The following EPHA6 variants were observed in gnomAD, a reference collection of about 807,000 sequenced individuals.
EPHA6 encodes ephrin type-A receptor 6.
Under a neutral mutation model 112.0 loss-of-function variants are expected in EPHA6, and 50 were observed. The ratio of observed to expected loss-of-function variants is 0.45; its 90% CI spans 0.36 to 0.56. The LOEUF (loss-of-function observed/expected upper bound fraction) is 0.56, where lower values mean the gene tolerates loss of function less well. Ranked by LOEUF, EPHA6 falls within the 20% of genes least tolerant of loss-of-function variation. The pLI is 0.00. For missense variants in EPHA6, 1,280 were observed against 1,417.4 expected (o/e 0.90, Z 1.56); for synonymous variants, 529 against 490.7 (o/e 1.08, Z -1.03).
chr3:97,142,382 T>TA (rs2075932410), intron 3 of EPHA6, among the ~76,000 whole-genome samples: 1 of 151,892 alleles, frequency 6.6e-6, no homozygotes, highest in African/African-American at 2.4e-5. Flanking sequence ...GTTAATGAAA[T>TA]AAAAGGTTGG....
chr3:97,205,509 T>G (rs1441282446), intron 3 of EPHA6, among the ~76,000 whole-genome samples: 1 of 152,078 alleles, frequency 6.6e-6, no homozygotes, highest in Non-Finnish European at 1.5e-5. Flanking sequence ...GACGTGAATT[T>G]TTTTCAACCA....
At chr3:97,168,838 G>T (rs1000570974) in intron 3 of EPHA6, among the ~76,000 whole-genome samples, 22 of 152,070 alleles carry the variant, frequency 1.4e-4, no homozygotes, top group Admixed American at 1.3e-3. Flanking sequence ...CCAGGAGTGG[G>T]TTATTGCTAT....
chr3:97,292,817 A>C (rs986372355), intron 5 of EPHA6, among the ~76,000 whole-genome samples: 4 of 150,684 alleles, frequency 2.7e-5, no homozygotes, highest in Non-Finnish European at 5.9e-5. Flanking sequence ...CATCCCGGTG[A>C]GCGTCCTGCT....
intron 10 of EPHA6, 104 bp downstream of exon 10, chr3:97,484,163 G>A: frequency 9.5e-7 from 1 of 1,049,246 alleles, no homozygotes; most frequent in Non-Finnish European, 1.3e-6. Context: ...TCATTGAAAA[G>A]TTTTAACAAG....
intron 10 of EPHA6, among the ~76,000 whole-genome samples, chr3:97,506,710 G>A (rs541112027): frequency 3.0e-4 from 45 of 152,288 alleles, no homozygotes; most frequent in African/African-American, 1.0e-3. Context: ...TGTGAAGAAA[G>A]TCAATGGTAG....
chr3:96,925,996 G>A (rs1388872910), intron 2 of EPHA6, among the ~76,000 whole-genome samples: 2 of 151,974 alleles, frequency 1.3e-5, no homozygotes, highest in African/African-American at 4.8e-5. Context: ...TACCAGCTTT[G>A]GGGTTCGTTT....
chr3:97,666,429 T>A (rs541121326), intron 14 of EPHA6, among the ~76,000 whole-genome samples: 3 of 152,338 alleles, frequency 2.0e-5, no homozygotes, highest in African/African-American at 7.2e-5. Context: ...ACAGGCTTGG[T>A]TTCTTCTGAA....
chr3:96,960,907 C>T (rs1005641122), intron 2 of EPHA6, among the ~76,000 whole-genome samples: 1 of 152,154 alleles, frequency 6.6e-6, no homozygotes, highest in Non-Finnish European at 1.5e-5. Context: ...TTCTATCCTT[C>T]TCTCCCTTTC....
intron 11 of EPHA6, among the ~76,000 whole-genome samples, chr3:97,553,785 C>G (rs2093063735): frequency 6.6e-6 from 1 of 152,094 alleles, no homozygotes; most frequent in Non-Finnish European, 1.5e-5. Context: ...ATTGCTCTCC[C>G]TAAGGAAGGA....
intron 5 of EPHA6, among the ~76,000 whole-genome samples, chr3:97,402,794 T>C (rs2087077019): frequency 6.6e-6 from 1 of 152,182 alleles, no homozygotes; most frequent in South Asian, 2.1e-4. Flanking sequence ...GAGTTTTAAA[T>C]GTAGTTTCTA....
chr3:97,082,025 CTTTG>C (rs1176435193), intron 3 of EPHA6, among the ~76,000 whole-genome samples: 1 of 151,230 alleles, frequency 6.6e-6, no homozygotes, highest in African/African-American at 2.4e-5. Context: ...TAAAAATTGT[CTTTG>C]TTTTTTAATT....
chr3:97,158,754 AAC>A (rs1282791984), intron 3 of EPHA6, among the ~76,000 whole-genome samples: 2 of 152,170 alleles, frequency 1.3e-5, no homozygotes, highest in Non-Finnish European at 2.9e-5. Flanking sequence ...TACATAAGAT[AAC>A]ACAGACAAAT....
intron 11 of EPHA6, among the ~76,000 whole-genome samples, chr3:97,578,066 T>G (rs1354854624): frequency 6.6e-6 from 1 of 152,102 alleles, no homozygotes; most frequent in African/African-American, 2.4e-5. Context: ...GAGTATGAGA[T>G]AGAGTCATCA....
At chr3:97,201,441 T>C (rs908500717) in intron 3 of EPHA6, among the ~76,000 whole-genome samples, 2 of 152,124 alleles carry the variant, frequency 1.3e-5, no homozygotes, top group African/African-American at 2.4e-5. Context: ...CTGTTAACAG[T>C]TTGTACTAAA....
chr3:97,659,494 G>T (rs1336833664), intron 14 of EPHA6, among the ~76,000 whole-genome samples: 1 of 151,990 alleles, frequency 6.6e-6, no homozygotes, highest in Non-Finnish European at 1.5e-5. Flanking sequence ...GAGGCAGTGA[G>T]AGTTTCTACA....
intron 14 of EPHA6, among the ~76,000 whole-genome samples, chr3:97,648,122 C>T (rs1271957243): frequency 2.6e-5 from 4 of 152,170 alleles, no homozygotes; most frequent in African/African-American, 9.6e-5. Context: ...CTTCTAATTG[C>T]ATCGATTTTG....
At chr3:97,425,271 C>A (rs888139780) in intron 6 of EPHA6, among the ~76,000 whole-genome samples, 2 of 152,194 alleles carry the variant, frequency 1.3e-5, no homozygotes, top group African/African-American at 2.4e-5. Context: ...TCCACATTGC[C>A]CTAGCAGAGG....
chr3:97,366,502 T>C (rs2108960179), intron 5 of EPHA6, among the ~76,000 whole-genome samples: 1 of 152,306 alleles, frequency 6.6e-6, no homozygotes, highest in South Asian at 2.1e-4. Context: ...TCCACTGTGG[T>C]CATATATACA....
intron 14 of EPHA6, among the ~76,000 whole-genome samples, chr3:97,670,031 G>A (rs2030644907): frequency 6.6e-6 from 1 of 152,072 alleles, no homozygotes; most frequent in Non-Finnish European, 1.5e-5. Context: ...TTAAAATGTG[G>A]TTGGAGGATT....
Sources: gnomAD v4.1 joint callset for allele counts (sites outside exome capture counted in the v4.1 genomes callset) on GRCh38, gnomAD v4.1.1 for gene constraint, MANE v1.5 for transcripts, NCBI Gene and HGNC (gene_info 2026-07-23, HGNC 2026-07-21) for gene names.